SYNJ2: variants seen among roughly 807,000 people sequenced by gnomAD.
SYNJ2 encodes synaptojanin 2.
A neutral mutation model predicts 141.3 loss-of-function variants in SYNJ2; 116 were observed. The observed-to-expected ratio is 0.82, with a 90% CI of 0.71 to 0.96. The LOEUF (loss-of-function observed/expected upper bound fraction) is 0.96. Among genes scored for constraint, SYNJ2 ranks in the 40% least tolerant of loss-of-function variants. The pLI is 0.00. For synonymous variants in SYNJ2, 745 were observed against 777.7 expected (o/e 0.96, Z 0.70); for missense variants, 1,873 against 1,934.8 (o/e 0.97, Z 0.60).
intron 7 of SYNJ2, among the ~76,000 whole-genome samples, chr6:158,060,195 G>A (rs1781128803): frequency 6.6e-6 from 1 of 152,152 alleles, no homozygotes; most frequent in Admixed American, 6.5e-5. Context: ...CTGCTGCTGG[G>A]CTCCTGTGGG....
intron 2 of SYNJ2, among the ~76,000 whole-genome samples, chr6:158,020,842 C>A (rs1778731734): frequency 1.3e-5 from 2 of 152,236 alleles, no homozygotes; most frequent in African/African-American, 4.8e-5. Context: ...GACAAGTTTT[C>A]CCTTAGTTTG....
intron 3 of SYNJ2, chr6:158,029,535 A>G (rs1451651502): frequency 6.6e-6 from 1 of 152,668 alleles, no homozygotes. Flanking sequence ...ACTACACTCC[A>G]CCCTGGGTGA....
chr6:158,042,397 G>A lies in SYNJ2; in HGVS notation c.712-919G>A, dbSNP rs376116261. On this transcript the variant is annotated intron_variant, in intron 4 of 26. Coordinates refer to ENST00000355585, the MANE Select transcript of SYNJ2 (RefSeq NM_003898.4). The stretch of plus-strand genomic sequence containing the variant: ...TGACTCATTCCTGTGTGATCTGAGC[G>A]TGATCTCGCCTGCATGGGAAGCTGC... 7.2e-4 allele frequency among the ~76,000 whole-genome samples: 110 copies of A among 152,352 alleles called. 1 individual carries two copies. Among genetic ancestry groups the A allele is most frequent in the African/African-American group, 2.4e-3 (98 of 41,578 alleles).
Position 158,084,683 on chromosome 6 carries a change from A to C in SYNJ2, c.3208+509A>C, listed in dbSNP as rs1236619099. On this transcript the variant is annotated intron_variant, in intron 22 of 26. Transcript: ENST00000355585. The surrounding 1 kb of genome is among the most constrained non-coding windows in gnomAD (Gnocchi z 5.0). Reference sequence around the variant, plus strand: ...AAATTAGCAGGGCATGGTGGTGCACATGCCTGTAATCCCAGCTACTCAGGC... The same window carrying C: ...AAATTAGCAGGGCATGGTGGTGCACCTGCCTGTAATCCCAGCTACTCAGGC... Among the ~76,000 whole-genome samples the C allele has an allele frequency of 6.6e-6, 1 of 152,014 alleles. No individual in the cohort carries two copies. The highest frequency in any genetic ancestry group is 6.6e-5 in the Admixed American group (1 of 15,252).
intron 17 of SYNJ2, 102 bp from the exon 18 acceptor site, chr6:158,078,062 G>A (rs2128384870): frequency 1.5e-6 from 1 of 683,684 alleles, no homozygotes; most frequent in Non-Finnish European, 2.5e-6. Context: ...GGGACGTGGG[G>A]TGGTTCGTGG....
At chr6:158,060,196 C>G (rs1387147857) in intron 7 of SYNJ2, among the ~76,000 whole-genome samples, 1 of 152,196 alleles carries the variant, frequency 6.6e-6, no homozygotes, top group Non-Finnish European at 1.5e-5. Context: ...TGCTGCTGGG[C>G]TCCTGTGGGC....
At chr6:158,006,073 C>T (rs1379671264) in intron 1 of SYNJ2, among the ~76,000 whole-genome samples, 1 of 152,180 alleles carries the variant, frequency 6.6e-6, no homozygotes, top group Non-Finnish European at 1.5e-5. Flanking sequence ...CCTCGCCTCT[C>T]TCCTGGCTCA....
In SYNJ2 at chr6:158,027,455, G is replaced by A. The variant is rs1350322685; in HGVS notation, c.215-1301G>A. 2 of 153,800 alleles carry A rather than the reference G, an allele frequency of 1.3e-5. No individual in the cohort carries two copies. The highest frequency in any genetic ancestry group is 1.9e-4 in the East Asian group (1 of 5,194). The allele number at this position is 153,800 out of a possible 1,614,324, so 9.5% of individuals were successfully genotyped here. On this transcript the variant is annotated intron_variant, in intron 2 of 26. Coordinates refer to ENST00000355585, the MANE Select transcript of SYNJ2 (RefSeq NM_003898.4). The surrounding 1 kb of genome is among the most constrained non-coding windows in gnomAD (Gnocchi z 4.6). Reference sequence around the variant, plus strand: ...AGGCACCCCCGATACGCAGCGTGTTGTGAAGTGCCCTTGTGAGCAGCGGGG... The same window carrying A: ...AGGCACCCCCGATACGCAGCGTGTTATGAAGTGCCCTTGTGAGCAGCGGGG...
chr6:158,021,086 AAAG>A (rs1778744018), intron 2 of SYNJ2, among the ~76,000 whole-genome samples: 1 of 152,166 alleles, frequency 6.6e-6, no homozygotes. Flanking sequence ...GTAGCAGAAA[AAAG>A]AACTTATCCC....
chr6:158,009,441 G>C (rs1778185313), intron 1 of SYNJ2, among the ~76,000 whole-genome samples: 1 of 152,054 alleles, frequency 6.6e-6, no homozygotes, highest in Non-Finnish European at 1.5e-5. Flanking sequence ...CAGTGTCTCT[G>C]TCCCTGGAAG....
At chr6:158,000,522 C>A (rs1224168311) in intron 1 of SYNJ2, among the ~76,000 whole-genome samples, 1 of 152,128 alleles carries the variant, frequency 6.6e-6, no homozygotes, top group Non-Finnish European at 1.5e-5. Context: ...GGTCCCTAAC[C>A]CATGCTCATT....
chr6:158,098,280 T>G lies in SYNJ2; in HGVS notation c.*1916T>G, dbSNP rs1053383398. The G allele has an allele frequency of 6.6e-6, 1 of 152,226 alleles. No individual in the cohort carries two copies. Among genetic ancestry groups the G allele is most frequent in the South Asian group, 2.1e-4 (1 of 4,830 alleles). 9.4% of individuals were successfully genotyped at this position (152,226 alleles called of 1,614,324 possible). A position where few individuals can be genotyped will look rare whatever the true frequency, so the allele number is the denominator to read the frequency against. Reference sequence around the variant, plus strand: ...TAGATCTCATTTTTAGGTTTTCTCTTCGTTCCAGATACCAAATAAATGGGA... The same window carrying G: ...TAGATCTCATTTTTAGGTTTTCTCTGCGTTCCAGATACCAAATAAATGGGA... On this transcript the variant is annotated 3_prime_UTR_variant, in exon 27 of 27. Coordinates refer to ENST00000355585, the MANE Select transcript of SYNJ2 (RefSeq NM_003898.4).
chr6:158,010,951 C>A (rs371935956), intron 1 of SYNJ2, among the ~76,000 whole-genome samples: 1 of 113,456 alleles, frequency 8.8e-6, no homozygotes, highest in African/African-American at 3.6e-5. Flanking sequence ...GGCCTTGGGA[C>A]GACAGGACAT....
intron 25 of SYNJ2, among the ~76,000 whole-genome samples, chr6:158,091,365 C>A (rs1783436772): frequency 1.3e-5 from 2 of 151,664 alleles, no homozygotes; most frequent in Admixed American, 1.3e-4. Context: ...ATGGATATAA[C>A]AACCCAAGTG....
In SYNJ2 at chr6:158,071,567, G is replaced by C. The variant is rs12663579; in HGVS notation, c.1941-35G>C. 4 of 1,594,322 alleles carry C rather than the reference G, an allele frequency of 2.5e-6. No homozygotes were observed. The highest frequency in any genetic ancestry group is 3.4e-5 in the Admixed American group (2 of 58,228). On this transcript the variant is annotated intron_variant, in intron 14 of 26. Transcript: ENST00000355585. This position sits in a 1 kb window ranked among gnomAD's most constrained non-coding sequence, Gnocchi z 4.3. ...AAAGCAGGGTCACACTTCTCCTTCAGGAGCCGACGGCATGCGCGTATCCTT... is the reference window on the plus strand; with the variant it reads ...AAAGCAGGGTCACACTTCTCCTTCACGAGCCGACGGCATGCGCGTATCCTT...
chr6:158,067,368 C>G (rs1215860576), intron 12 of SYNJ2: 4 of 951,556 alleles, frequency 4.2e-6, no homozygotes, highest in Non-Finnish European at 5.0e-6. Flanking sequence ...CTGCCTCTCC[C>G]CAAACCAACT....
intron 2 of SYNJ2, among the ~76,000 whole-genome samples, chr6:158,020,919 A>G (rs1476915815): frequency 1.3e-5 from 2 of 152,242 alleles, no homozygotes; most frequent in Non-Finnish European, 2.9e-5. Context: ...ACAAAAATTC[A>G]TAAAAGCCTT....
chr6:158,072,473 T>C (rs4370394), intron 15 of SYNJ2, among the ~76,000 whole-genome samples: 30,660 of 152,182 alleles, frequency 0.2, 3,622 homozygotes, highest in African/African-American at 0.31. Flanking sequence ...GCCACCTCTT[T>C]CCCGAAGTGA....
At chr6:158,051,982 TAAG>T (rs1280390056) in intron 5 of SYNJ2, among the ~76,000 whole-genome samples, 1 of 150,134 alleles carries the variant, frequency 6.7e-6, no homozygotes, top group Non-Finnish European at 1.5e-5. Context: ...AGAAGAAGAA[TAAG>T]AAGAAAAGAA....
Sources: gnomAD v4.1 joint callset for allele counts (sites outside exome capture counted in the v4.1 genomes callset) on GRCh38, gnomAD v4.1.1 for gene constraint, Gnocchi (gnomAD v3.1) non-coding constraint, MANE v1.5 for transcripts, NCBI Gene and HGNC (gene_info 2026-07-23, HGNC 2026-07-21) for gene names.